WDR35: variants seen among roughly 807,000 people sequenced by gnomAD.
WDR35 encodes WD repeat-containing protein 35.
Under a neutral mutation model 158.3 loss-of-function variants are expected in WDR35, and 118 were observed. That is an observed-to-expected ratio of 0.75 (90% CI 0.64 to 0.87). The LOEUF is 0.87. Among genes scored for constraint, WDR35 ranks in the 40% least tolerant of loss-of-function variants. The pLI is 0.00. For synonymous variants in WDR35, 448 were observed against 476.1 expected, an observed-to-expected ratio of 0.94 and a Z score of 0.77; for missense variants, 1,263 against 1,405.8, an observed-to-expected ratio of 0.90 and a Z score of 1.62.
chr2:19,954,267 T>C (rs374855252), intron 11 of WDR35, among the ~76,000 whole-genome samples: 8 of 152,186 alleles, frequency 5.3e-5, no homozygotes, highest in East Asian at 1.9e-4. Context: ...CAGGCAATAA[T>C]TGGCTTCTTA....
At chr2:19,961,247 A>G (rs11694821) in intron 10 of WDR35, among the ~76,000 whole-genome samples, 38,632 of 152,130 alleles carry the variant, frequency 0.25, 4,967 homozygotes, top group African/African-American at 0.25. Context: ...TTAAGAAGGG[A>G]CAAGACAAAG....
At chr2:19,946,318 C>T in intron 15 of WDR35, 143 bp downstream of exon 15, 1 of 773,630 alleles carries the variant, frequency 1.3e-6, no homozygotes, top group Non-Finnish European at 2.2e-6. Context: ...AAACCAAATG[C>T]AGTATAAAAT....
intron 12 of WDR35, 27 bp from the exon 13 acceptor site, chr2:19,951,511 A>G (rs748546418): frequency 6.4e-7 from 1 of 1,564,520 alleles, no homozygotes; most frequent in South Asian, 1.1e-5. Flanking sequence ...AATTTCAAAG[A>G]AAGTTTAAGT....
chr2:19,914,065 T>C lies in WDR35; in HGVS notation c.3334A>G (p.Lys1112Glu). The C allele has an allele frequency of 6.2e-7, 1 of 1,614,162 alleles. No homozygotes were observed. Among genetic ancestry groups the C allele is most frequent in the Non-Finnish European group, 8.5e-7 (1 of 1,180,002 alleles). Residue 1112 changes from lysine to glutamate, a missense_variant, in exon 26 of 27, where the codon AAA becomes GAA. Coordinates refer to ENST00000281405, the MANE Select transcript of WDR35 (RefSeq NM_020779.4). ...FTKHTSKDNR[K>E]PELDSLMEGG... ...TCCATAAGGCTGTCCAATTCAGGTT[T>C]TCTGTTATCTTTTGAAGTATGTTTG...
intron 10 of WDR35, 31 bp downstream of exon 10, chr2:19,966,693 G>C (rs1442390735): frequency 1.9e-6 from 3 of 1,611,074 alleles, no homozygotes; most frequent in Middle Eastern, 1.9e-4. Flanking sequence ...AGTTAGCCCA[G>C]CTATGTCTTA....
chr2:19,988,415 C>T (rs1313370152), intron 2 of WDR35, among the ~76,000 whole-genome samples: 1 of 152,214 alleles, frequency 6.6e-6, no homozygotes, highest in East Asian at 1.9e-4. Context: ...TGAAATCCAT[C>T]TTAACAACCT....
Position 19,966,795 on chromosome 2 carries a change from C to A in WDR35, c.1123G>T (p.Gly375Cys). 6.2e-7 allele frequency: 1 copy of A among 1,613,918 alleles called. No individual in the cohort carries two copies. Among genetic ancestry groups the A allele is most frequent in the South Asian group, 1.1e-5 (1 of 91,060 alleles). ...CCACAGGTAGTAATAGAAATGAGACCCTTCACATATTTAACATATTTTTCA... is the reference window on the plus strand; with the variant it reads ...CCACAGGTAGTAATAGAAATGAGACACTTCACATATTTAACATATTTTTCA... Reference protein sequence around the residue: ...NNEKYVKYVKGLISITTCGDF... With the variant: ...NNEKYVKYVKCLISITTCGDF... The change falls in exon 10 of 27, where the codon GGT becomes TGT. Residue 375 changes from glycine (G) to cysteine (C), a missense_variant. Gly to Cys is a radical substitution (Grantham distance 159, BLOSUM62 -3). Transcript: ENST00000281405.
chr2:19,942,194 C>T (rs1289825084), intron 16 of WDR35, among the ~76,000 whole-genome samples: 3 of 149,356 alleles, frequency 2.0e-5, no homozygotes, highest in Non-Finnish European at 4.5e-5. Flanking sequence ...ATATTCAGTC[C>T]AATTTTCTCA....
intron 26 of WDR35, 100 bp from the exon 27 acceptor site, chr2:19,913,808 A>G (rs747758058): frequency 4.6e-6 from 7 of 1,515,184 alleles, no homozygotes; most frequent in African/African-American, 1.4e-5. Context: ...AAAACTTCTG[A>G]GATGAACATC....
intron 25 of WDR35, among the ~76,000 whole-genome samples, chr2:19,928,471 G>A (rs181937264): frequency 2.5e-4 from 38 of 152,186 alleles, no homozygotes; most frequent in Admixed American, 1.7e-3. Flanking sequence ...TTCCTCTAGC[G>A]CCGCTTGGTT....
intron 25 of WDR35, among the ~76,000 whole-genome samples, chr2:19,915,876 A>G (rs6757734): frequency 0.2 from 30,482 of 149,312 alleles, 3,393 homozygotes; most frequent in East Asian, 0.4. Context: ...AGCTGAGATT[A>G]TGCCACTGCA....
At chr2:19,949,680 T>C (rs141580289) in intron 13 of WDR35, among the ~76,000 whole-genome samples, 395 of 152,318 alleles carry the variant, frequency 2.6e-3, no homozygotes, top group Admixed American at 5.2e-3. Flanking sequence ...AGAAGTTCCA[T>C]TGGGCAGTGC....
intron 23 of WDR35, among the ~76,000 whole-genome samples, chr2:19,931,816 T>C (rs1191437394): frequency 3.9e-5 from 6 of 152,162 alleles, no homozygotes; most frequent in Admixed American, 3.9e-4. Context: ...ATTTAAATGA[T>C]TTTAAGAGAT....
chr2:19,950,330 T>C (rs1243567053), intron 13 of WDR35, among the ~76,000 whole-genome samples: 5 of 151,580 alleles, frequency 3.3e-5, no homozygotes, highest in Admixed American at 2.0e-4. Context: ...AAAAGACCTA[T>C]CAGACTTGGC....
chr2:19,955,028 T>C (rs933981350), intron 11 of WDR35, among the ~76,000 whole-genome samples: 3 of 151,966 alleles, frequency 2.0e-5, no homozygotes, highest in African/African-American at 7.3e-5. Flanking sequence ...TCTCAGCTCA[T>C]TGCAACCTCT....
At chr2:19,962,652 T>C (rs1160858903) in intron 10 of WDR35, among the ~76,000 whole-genome samples, 1 of 152,136 alleles carries the variant, frequency 6.6e-6, no homozygotes, top group African/African-American at 2.4e-5. Flanking sequence ...CAGCATTCGA[T>C]TAAAATTTGT....
At chr2:19,977,992 G>A (rs995623533) in intron 5 of WDR35, among the ~76,000 whole-genome samples, 1 of 152,142 alleles carries the variant, frequency 6.6e-6, no homozygotes, top group Admixed American at 6.5e-5. Flanking sequence ...CTCCAAGTCT[G>A]CATTAGGTGG....
intron 2 of WDR35, among the ~76,000 whole-genome samples, chr2:19,985,084 G>T (rs983234207): frequency 6.6e-6 from 1 of 152,128 alleles, no homozygotes; most frequent in African/African-American, 2.4e-5. Flanking sequence ...GAAGGTTGAG[G>T]CAATGTCACT....
At chr2:19,956,714 G>A (rs892940281) in intron 11 of WDR35, among the ~76,000 whole-genome samples, 4 of 147,898 alleles carry the variant, frequency 2.7e-5, no homozygotes, top group Admixed American at 7.0e-5. Context: ...TCCGCCTCCC[G>A]GGTTCACGCC....
Sources: allele counts gnomAD v4.1 joint callset (sites outside exome capture counted in the v4.1 genomes callset), GRCh38; gene constraint gnomAD v4.1.1; transcripts MANE v1.5; gene names NCBI Gene and HGNC (gene_info 2026-07-23, HGNC 2026-07-21).